KCTD19: variants seen among roughly 807,000 people sequenced by gnomAD.
The protein encoded by KCTD19 is potassium channel tetramerization domain containing 19, also known as BTB/POZ domain-containing protein KCTD19.
A neutral mutation model predicts 103.5 loss-of-function variants in KCTD19; 67 were observed. The ratio of observed to expected loss-of-function variants is 0.65; its 90% CI spans 0.53 to 0.79. The LOEUF is 0.79. Ranked by LOEUF, KCTD19 falls within the 30% of genes least tolerant of loss-of-function variation. The pLI, the probability that KCTD19 is intolerant of heterozygous loss-of-function variation, is 0.00. For synonymous variants in KCTD19, 439 were observed against 452.2 expected, an observed-to-expected ratio of 0.97 and a Z score of 0.37; for missense variants, 980 against 1,136.1, an observed-to-expected ratio of 0.86 and a Z score of 1.98.
chr16:67,305,164 C>T (rs1004963135), intron 2 of KCTD19, among the ~76,000 whole-genome samples: 1 of 152,022 alleles, frequency 6.6e-6, no homozygotes, highest in Non-Finnish European at 1.5e-5. Flanking sequence ...TCTATTTAAT[C>T]ATTAAAAACT....
intron 2 of KCTD19, chr16:67,305,590 G>T: frequency 2.2e-6 from 1 of 455,716 alleles, no homozygotes; most frequent in Non-Finnish European, 4.4e-6. Flanking sequence ...CTTACCCAGG[G>T]ACCCATTCTC....
chr16:67,317,601 T>C (rs1398705521), intron 2 of KCTD19, among the ~76,000 whole-genome samples: 1 of 152,218 alleles, frequency 6.6e-6, no homozygotes, highest in Non-Finnish European at 1.5e-5. Context: ...AAATATTGAT[T>C]ACATGTTGAA....
At chr16:67,322,749 G>T (rs996775171) in intron 1 of KCTD19, among the ~76,000 whole-genome samples, 3 of 152,138 alleles carry the variant, frequency 2.0e-5, no homozygotes, top group Non-Finnish European at 4.4e-5. Flanking sequence ...GCTTTAGAGG[G>T]CACCATCAAG....
chr16:67,289,784 C>T (rs939644328), intron 15 of KCTD19, 102 bp from the exon 16 acceptor site: 20 of 785,734 alleles, frequency 2.5e-5, no homozygotes, highest in South Asian at 3.3e-5. Flanking sequence ...AGGGCAAGCC[C>T]GGCTGTTGGG....
chr16:67,313,511 CA>C (rs2036970492), intron 2 of KCTD19, among the ~76,000 whole-genome samples: 1 of 152,040 alleles, frequency 6.6e-6, no homozygotes, highest in Non-Finnish European at 1.5e-5. Context: ...ATGGGCTTTC[CA>C]AAAAAGGTAG....
chr16:67,298,062 C>T (rs1222768485), intron 6 of KCTD19, among the ~76,000 whole-genome samples: 5 of 142,084 alleles, frequency 3.5e-5, no homozygotes, highest in Non-Finnish European at 7.5e-5. Context: ...GGCGCGATCT[C>T]GGCTCACTGC....
intron 2 of KCTD19, among the ~76,000 whole-genome samples, chr16:67,314,884 C>A (rs1597399271): frequency 1.1e-5 from 1 of 88,306 alleles, no homozygotes; most frequent in Admixed American, 1.2e-4. Flanking sequence ...GGGGAAGGGT[C>A]TTGCTTTGTC....
chr16:67,313,817 C>T (rs1247234092), intron 2 of KCTD19, among the ~76,000 whole-genome samples: 1 of 151,416 alleles, frequency 6.6e-6, no homozygotes, highest in African/African-American at 2.4e-5. Flanking sequence ...CCTCAGCCTC[C>T]CAAAGTGCTG....
rs1366751162 is a variant in KCTD19 at position 67,290,879 on chromosome 16, C to T, written c.2667+6G>A. Reference sequence around the variant, plus strand: ...TGGATTCCCAGGGATTGCAAGTGGCCCTCACCTCCACCCAGCTGTACAGGC... The same window carrying T: ...TGGATTCCCAGGGATTGCAAGTGGCTCTCACCTCCACCCAGCTGTACAGGC... On this transcript the variant is annotated splice_donor_region_variant and intron_variant, in intron 15 of 15. Transcript: ENST00000304372. 6.2e-7 allele frequency: 1 copy of T among 1,608,638 alleles called. No homozygotes were observed. Among genetic ancestry groups the T allele is most frequent in the Non-Finnish European group, 8.5e-7 (1 of 1,177,780 alleles).
intron 1 of KCTD19, chr16:67,321,620 A>C (rs962488137): frequency 7.2e-5 from 11 of 152,244 alleles, no homozygotes; most frequent in Admixed American, 5.9e-4. Context: ...TCTTGAAAAA[A>C]GGAGAACGTT....
chr16:67,318,831 T>G (rs922534862), intron 2 of KCTD19, among the ~76,000 whole-genome samples: 1 of 151,770 alleles, frequency 6.6e-6, no homozygotes, highest in Non-Finnish European at 1.5e-5. Context: ...TGTAAACAAT[T>G]CTAGTACTCC....
At chr16:67,307,443 A>G (rs2036905796) in intron 2 of KCTD19, among the ~76,000 whole-genome samples, 1 of 151,762 alleles carries the variant, frequency 6.6e-6, no homozygotes, top group South Asian at 2.1e-4. Context: ...CCTCCCAAAC[A>G]GCTGGGACCA....
Position 67,290,109 on chromosome 16 carries a change from T to C in KCTD19, c.2668-427A>G, listed in dbSNP as rs908087159. Among the ~76,000 whole-genome samples, 12 of 145,512 alleles carry C rather than the reference T, an allele frequency of 8.2e-5. No individual in the cohort carries two copies. In the East Asian group the frequency reaches 2.3e-3, roughly 28 times the overall value. ...TCAATGTTAAAATTAGATTAAGGAA[T>C]CAGAAAAGGAAAAAGAAAAAAACCC... is the stretch of plus-strand genomic sequence containing the variant. On this transcript the variant is annotated intron_variant, in intron 15 of 15. Coordinates refer to ENST00000304372, the MANE Select transcript of KCTD19 (RefSeq NM_001100915.3).
chr16:67,324,089 A>T (rs1052855027), intron 1 of KCTD19, among the ~76,000 whole-genome samples: 57 of 152,142 alleles, frequency 3.7e-4, no homozygotes, highest in African/African-American at 1.3e-3. Context: ...TCTGTTGGAC[A>T]AGAGGTTGTT....
chr16:67,319,691 A>AATAATC (rs1017833582), intron 2 of KCTD19, among the ~76,000 whole-genome samples: 4 of 148,780 alleles, frequency 2.7e-5, no homozygotes. Flanking sequence ...AAGCTCTTAT[A>AATAATC]ATAATAATAA....
At chr16:67,292,465 G>A (rs2036710909) in intron 12 of KCTD19, among the ~76,000 whole-genome samples, 1 of 152,202 alleles carries the variant, frequency 6.6e-6, no homozygotes, top group Non-Finnish European at 1.5e-5. Flanking sequence ...AAATGGGGCT[G>A]AGGGCTGGAA....
rs142188466 is a variant in KCTD19, at chr16:67,313,343, C to A, written c.300+7246G>T. On this transcript the variant is annotated intron_variant, in intron 2 of 15. Coordinates refer to ENST00000304372, the MANE Select transcript of KCTD19 (RefSeq NM_001100915.3). The stretch of plus-strand genomic sequence containing the variant: ...CAGGCTGGTCTTGAACTCCTGACCT[C>A]AGGTGATCTGCCCGCCTTGGCCTCC... 6.3e-3 allele frequency among the ~76,000 whole-genome samples: 959 copies of A among 152,134 alleles called. 8 individuals carry two copies. Among genetic ancestry groups the A allele is most frequent in the African/African-American group, 0.022 (896 of 41,506 alleles).
intron 2 of KCTD19, among the ~76,000 whole-genome samples, chr16:67,315,046 A>G (rs1179134104): frequency 6.6e-6 from 1 of 151,690 alleles, no homozygotes; most frequent in East Asian, 1.9e-4. Flanking sequence ...TTTTTTGTAG[A>G]GTTGGAGTCT....
At chr16:67,291,622 C>A in intron 13 of KCTD19, 24 bp downstream of exon 13, 1 of 1,607,054 alleles carries the variant, frequency 6.2e-7, no homozygotes, top group Non-Finnish European at 8.5e-7. Flanking sequence ...AGGCGCAGGG[C>A]TCGGCCTGGC....
Sources: gnomAD v4.1 joint callset for allele counts (sites outside exome capture counted in the v4.1 genomes callset) on GRCh38, gnomAD v4.1.1 for gene constraint, MANE v1.5 for transcripts, NCBI Gene and HGNC (gene_info 2026-07-23, HGNC 2026-07-21) for gene names.